The following MBNL2 variants were observed in gnomAD, a reference collection of about 807,000 sequenced individuals.
The protein encoded by MBNL2 is muscleblind like splicing regulator 2.
A neutral mutation model predicts 41.9 loss-of-function variants in MBNL2; 17 were observed. The ratio of observed to expected loss-of-function variants is 0.41; its 90% confidence interval spans 0.28 to 0.61. The LOEUF (loss-of-function observed/expected upper bound fraction) is 0.61. MBNL2 is among the 20% of genes least tolerant of loss of function. The pLI is 0.35. For missense variants in MBNL2, 336 were observed against 505.6 expected, an observed-to-expected ratio of 0.66 and a Z score of 3.22; for synonymous variants, 195 against 182.9, an observed-to-expected ratio of 1.07 and a Z score of -0.53.
chr13:97,152,823 A>T, the MBNL2 span, among the ~76,000 whole-genome samples: 1 of 152,182 alleles, frequency 6.6e-6, no homozygotes, highest in Non-Finnish European at 1.5e-5. Flanking sequence ...TATATCAAGA[A>T]AAAAGACACT....
At chr13:97,273,012 C>G (rs1481745930) in intron 1 of MBNL2, among the ~76,000 whole-genome samples, 1 of 152,206 alleles carries the variant, frequency 6.6e-6, no homozygotes, top group Non-Finnish European at 1.5e-5. Context: ...ACAGCATTCA[C>G]TGAACTGCAT....
At chr13:97,361,864 G>A (rs888529979) in intron 7 of MBNL2, among the ~76,000 whole-genome samples, 19 of 148,116 alleles carry the variant, frequency 1.3e-4, no homozygotes, top group Non-Finnish European at 2.7e-4. Flanking sequence ...CCGCCTCCCG[G>A]GTTCAAGAGG....
intron 2 of MBNL2, among the ~76,000 whole-genome samples, chr13:97,310,157 C>T (rs190730834): frequency 1.3e-5 from 2 of 152,226 alleles, no homozygotes; most frequent in Admixed American, 6.5e-5. Context: ...TCTGATTGGG[C>T]TTGCAAAGGC....
the MBNL2 span, among the ~76,000 whole-genome samples, chr13:97,204,383 T>A: frequency 2.0e-5 from 3 of 152,224 alleles, no homozygotes; most frequent in Admixed American, 2.0e-4. Flanking sequence ...AAAAGGCTTA[T>A]CTAAAATAAC....
At chr13:97,224,107 T>A (rs2041223927) in intron 1 of MBNL2, among the ~76,000 whole-genome samples, 1 of 152,194 alleles carries the variant, frequency 6.6e-6, no homozygotes, top group Admixed American at 6.5e-5. Context: ...GGCTTCTGGC[T>A]GGGCTGGCAA....
chr13:97,341,680 A>C (rs1287669053), intron 3 of MBNL2, among the ~76,000 whole-genome samples: 1 of 152,196 alleles, frequency 6.6e-6, no homozygotes, highest in African/African-American at 2.4e-5. Flanking sequence ...CCTTCTAGCC[A>C]CTTTGAAAAT....
the MBNL2 span, among the ~76,000 whole-genome samples, chr13:97,150,039 C>A: frequency 1.4e-4 from 21 of 152,208 alleles, no homozygotes; most frequent in African/African-American, 5.1e-4. Flanking sequence ...CTGCCTGCAG[C>A]AACAGGCGTG....
rs145798193 is a variant in MBNL2, at chr13:97,235,976, G to A, written c.-605+13445G>A. On this transcript the variant is annotated intron_variant, in intron 1 of 8. Transcript: ENST00000679496. The stretch of plus-strand genomic sequence containing the variant: ...TAACCGTCAGCCTATCCGCAAATTT[G>A]ACGGTGATGGGCGTTGGAGCTGACC... 2.4e-3 allele frequency among the ~76,000 whole-genome samples: 371 copies of A among 152,248 alleles called. 3 individuals carry two copies. The highest frequency in any genetic ancestry group is 8.5e-3 in the African/African-American group (353 of 41,540).
intron 2 of MBNL2, among the ~76,000 whole-genome samples, chr13:97,301,648 T>G (rs2057631129): frequency 6.6e-6 from 1 of 152,182 alleles, no homozygotes; most frequent in Non-Finnish European, 1.5e-5. Flanking sequence ...AAGTGCTGTA[T>G]CATGCTTCAC....
intron 8 of MBNL2, among the ~76,000 whole-genome samples, chr13:97,373,397 GGAGA>G (rs144771391): frequency 3.3e-5 from 5 of 150,780 alleles, no homozygotes; most frequent in African/African-American, 4.9e-5. Flanking sequence ...AGAGAAGGCA[GGAGA>G]GAGAGAGAGA....
rs2060729379 is a variant in MBNL2, at chr13:97,334,683, CTT to C, written c.339+246_339+247del. Among the ~76,000 whole-genome samples, 1 of 152,214 alleles carries C rather than the reference CTT, an allele frequency of 6.6e-6. No homozygotes were observed. Among genetic ancestry groups the C allele is most frequent in the Non-Finnish European group, 1.5e-5 (1 of 68,030 alleles). On this transcript the variant is annotated intron_variant, in intron 3 of 8. Transcript: ENST00000679496. The surrounding 1 kb of genome is among the most constrained non-coding windows in gnomAD (Gnocchi z 5.3). ...CTGGGAAATCTGTATCACTCCAACT[CTT>C]TTCACCAGTAACTCTCTATCTCAGC...
intron 1 of MBNL2, among the ~76,000 whole-genome samples, chr13:97,264,297 G>T (rs1489678598): frequency 6.6e-6 from 1 of 152,184 alleles, no homozygotes; most frequent in African/African-American, 2.4e-5. Context: ...AAAGTGCTGG[G>T]ATTACAGGCT....
At chr13:97,231,405 C>A (rs1461755625) in intron 1 of MBNL2, among the ~76,000 whole-genome samples, 1 of 152,198 alleles carries the variant, frequency 6.6e-6, no homozygotes, top group Non-Finnish European at 1.5e-5. Context: ...CTCCAGAATA[C>A]AATAGCTGCT....
the MBNL2 span, among the ~76,000 whole-genome samples, chr13:97,197,680 CT>C: frequency 6.6e-6 from 1 of 152,092 alleles, no homozygotes; most frequent in Non-Finnish European, 1.5e-5. Context: ...TGCATTACTA[CT>C]TTATTTGAAG....
chr13:97,387,761 T>A (rs533296786), intron 8 of MBNL2, among the ~76,000 whole-genome samples: 2 of 152,326 alleles, frequency 1.3e-5, no homozygotes, highest in African/African-American at 4.8e-5. Context: ...TTTCCATGTC[T>A]GCAAAATATG....
intron 1 of MBNL2, among the ~76,000 whole-genome samples, chr13:97,254,635 G>A (rs953624651): frequency 6.6e-6 from 1 of 150,918 alleles, no homozygotes; most frequent in Non-Finnish European, 1.5e-5. Flanking sequence ...TGTTCCCCCC[G>A]CCTCTCTTTT....
the MBNL2 span, among the ~76,000 whole-genome samples, chr13:97,200,873 C>G: frequency 6.6e-6 from 1 of 152,178 alleles, no homozygotes; most frequent in Non-Finnish European, 1.5e-5. Flanking sequence ...TTTGGAGAAC[C>G]TTGGCTGCCT....
intron 8 of MBNL2, among the ~76,000 whole-genome samples, chr13:97,367,336 C>T (rs1026902918): frequency 1.3e-5 from 2 of 152,188 alleles, no homozygotes; most frequent in South Asian, 2.1e-4. Context: ...AAGGAGACAG[C>T]GTGAGGGTGA....
At chr13:97,163,358 C>T in the MBNL2 span, among the ~76,000 whole-genome samples, 1 of 152,148 alleles carries the variant, frequency 6.6e-6, no homozygotes, top group Admixed American at 6.5e-5. Context: ...CAGCCTTGCC[C>T]TGTGGAAGCC....
Sources: allele counts gnomAD v4.1 joint callset (sites outside exome capture counted in the v4.1 genomes callset), GRCh38; gene constraint gnomAD v4.1.1; non-coding constraint Gnocchi (gnomAD v3.1); transcripts MANE v1.5; gene names NCBI Gene and HGNC (gene_info 2026-07-23, HGNC 2026-07-21).